The following TBC1D19 variants were observed in gnomAD, a reference collection of about 807,000 sequenced individuals.
TBC1D19 encodes TBC1 domain family, member 19.
Under a neutral mutation model 89.0 loss-of-function variants are expected in TBC1D19, and 60 were observed. That is an observed-to-expected ratio of 0.67 (90% CI 0.55 to 0.84). The LOEUF is 0.84. Ranked by LOEUF, TBC1D19 falls within the 40% of genes least tolerant of loss-of-function variation. The pLI, the probability that TBC1D19 is intolerant of heterozygous loss-of-function variation, is 0.00. For synonymous variants in TBC1D19, 189 were observed against 199.7 expected, an observed-to-expected ratio of 0.95 and a Z score of 0.45; for missense variants, 500 against 610.8, an observed-to-expected ratio of 0.82 and a Z score of 1.91.
intron 1 of TBC1D19, among the ~76,000 whole-genome samples, chr4:26,585,794 A>G (rs912252811): frequency 6.6e-6 from 1 of 152,076 alleles, no homozygotes; most frequent in Non-Finnish European, 1.5e-5. Flanking sequence ...CATGTTGGCC[A>G]GGCTGGTCTT....
At chr4:26,787,048 A>G in the TBC1D19 span, among the ~76,000 whole-genome samples, 1 of 152,078 alleles carries the variant, frequency 6.6e-6, no homozygotes, top group Admixed American at 6.5e-5. Context: ...ATTGAATGTG[A>G]CAAGGCTTGT....
intron 18 of TBC1D19, among the ~76,000 whole-genome samples, chr4:26,745,497 C>CTTTTTTTTTTTTT (rs71186486): frequency 2.5e-5 from 1 of 40,550 alleles, no homozygotes; most frequent in African/African-American, 9.6e-5. Context: ...CAATATACTT[C>CTTTTTTTTTTTTT]TTTTTTTTTT....
At chr4:26,809,307 T>C in the TBC1D19 span, among the ~76,000 whole-genome samples, 1 of 152,162 alleles carries the variant, frequency 6.6e-6, no homozygotes, top group South Asian at 2.1e-4. Flanking sequence ...TTGGCCTCTG[T>C]TTTTCAGTTC....
At chr4:26,735,371 T>C (rs1578000959) in intron 15 of TBC1D19, 84 bp from the exon 16 acceptor site, 1 of 1,158,274 alleles carries the variant, frequency 8.6e-7, no homozygotes, top group East Asian at 2.8e-5. Flanking sequence ...AAAACCTTTT[T>C]ATTGTCAGTT....
chr4:26,620,808 C>A, intron 4 of TBC1D19, 120 bp downstream of exon 4: 1 of 786,024 alleles, frequency 1.3e-6, no homozygotes, highest in Non-Finnish European at 1.9e-6. Flanking sequence ...GTAAGAACCA[C>A]TAAATTTATG....
chr4:26,684,098 T>G (rs1713596369), intron 12 of TBC1D19, among the ~76,000 whole-genome samples: 1 of 152,204 alleles, frequency 6.6e-6, no homozygotes, highest in Non-Finnish European at 1.5e-5. Context: ...TTATGATTCT[T>G]TAGGGCCCAC....
chr4:26,611,855 A>AT (rs1251995871), intron 1 of TBC1D19, among the ~76,000 whole-genome samples: 1 of 151,988 alleles, frequency 6.6e-6, no homozygotes, highest in Non-Finnish European at 1.5e-5. Flanking sequence ...CTCTATCAAC[A>AT]TTTCCAGACT....
At chr4:26,758,550 G>A (rs1231240944), downstream of TBC1D19, among the ~76,000 whole-genome samples, 3 of 152,108 alleles carry the variant, frequency 2.0e-5, no homozygotes, top group South Asian at 2.1e-4. Flanking sequence ...GTGCAAAATC[G>A]AGACCAATGA....
At chr4:26,585,773 TG>T (rs937154090) in intron 1 of TBC1D19, among the ~76,000 whole-genome samples, 1 of 151,952 alleles carries the variant, frequency 6.6e-6, no homozygotes, top group African/African-American at 2.4e-5. Context: ...CCAGTAGAGA[TG>T]GGGTTTCACC....
intron 12 of TBC1D19, among the ~76,000 whole-genome samples, chr4:26,685,030 T>G (rs1448404003): frequency 1.3e-5 from 2 of 152,182 alleles, no homozygotes; most frequent in African/African-American, 4.8e-5. Flanking sequence ...CCACTCAAAA[T>G]TTTTGCAACT....
chr4:26,613,143 T>A lies in TBC1D19; in HGVS notation c.100-26T>A, dbSNP rs1339156586. 2.8e-6 allele frequency: 4 copies of A among 1,422,794 alleles called. No individual in the cohort carries two copies. In the African/African-American group the frequency reaches 5.9e-5, roughly 21 times the overall value. The allele number at this position is 1,422,794 out of a possible 1,614,324, so 88.1% of individuals were successfully genotyped here. On this transcript the variant is annotated intron_variant, in intron 1 of 20. Transcript: ENST00000264866. ...GATATCTTTTCCTTCCTTATCTTTC[T>A]TTTTTATTATTATTATTATTCTTAG...
the TBC1D19 span, among the ~76,000 whole-genome samples, chr4:26,855,944 ATATC>A: frequency 7.9e-5 from 12 of 152,256 alleles, no homozygotes; most frequent in African/African-American, 2.7e-4. Flanking sequence ...CTGAGCTAAC[ATATC>A]TATTATCTCA....
intron 13 of TBC1D19, among the ~76,000 whole-genome samples, chr4:26,708,153 G>A (rs1179774734): frequency 6.6e-6 from 1 of 151,988 alleles, no homozygotes; most frequent in Non-Finnish European, 1.5e-5. Context: ...ACTCCTGTGA[G>A]CATTTCTTGA....
At chr4:26,831,389 G>A in the TBC1D19 span, among the ~76,000 whole-genome samples, 2 of 151,958 alleles carry the variant, frequency 1.3e-5, no homozygotes, top group African/African-American at 4.8e-5. Flanking sequence ...TGATCTCTGC[G>A]GCAACTACAC....
At chr4:26,602,959 A>G (rs1740734274) in intron 1 of TBC1D19, among the ~76,000 whole-genome samples, 3 of 152,356 alleles carry the variant, frequency 2.0e-5, no homozygotes, top group Middle Eastern at 3.4e-3. Flanking sequence ...AAAAGCAGGT[A>G]TGTGATTATT....
chr4:26,788,954 A>G, the TBC1D19 span, among the ~76,000 whole-genome samples: 1 of 152,222 alleles, frequency 6.6e-6, no homozygotes, highest in Non-Finnish European at 1.5e-5. Context: ...GTAAGCAAGT[A>G]AATGGGAGCA....
At chr4:26,580,412 C>A (rs984285136), upstream of TBC1D19, among the ~76,000 whole-genome samples, 2 of 152,066 alleles carry the variant, frequency 1.3e-5, no homozygotes, top group Non-Finnish European at 2.9e-5. Flanking sequence ...AGACAATGAG[C>A]CAGTTTCTTT....
intron 6 of TBC1D19, 104 bp downstream of exon 6, chr4:26,638,938 T>C: frequency 1.1e-6 from 1 of 950,836 alleles, no homozygotes; most frequent in Non-Finnish European, 1.6e-6. Flanking sequence ...AAGATTGCAA[T>C]TTTCCTTCTC....
intron 7 of TBC1D19, among the ~76,000 whole-genome samples, chr4:26,642,304 C>G (rs986733233): frequency 4.6e-5 from 7 of 152,260 alleles, no homozygotes; most frequent in East Asian, 1.9e-4. Context: ...AATTTTCAAC[C>G]CAGAATTTCA....
Sources: allele counts gnomAD v4.1 joint callset (sites outside exome capture counted in the v4.1 genomes callset), GRCh38; gene constraint gnomAD v4.1.1; transcripts MANE v1.5; gene names NCBI Gene and HGNC (gene_info 2026-07-23, HGNC 2026-07-21).